The following BAZ2B variants were observed in gnomAD, a reference collection of about 807,000 sequenced individuals.
BAZ2B encodes the protein bromodomain adjacent to zinc finger domain 2B.
BAZ2B carries 91 observed loss-of-function variants against 246.0 expected under a neutral mutation model. The observed-to-expected ratio is 0.37, with a 90% confidence interval of 0.31 to 0.44. BAZ2B has a LOEUF of 0.44. Among genes scored for constraint, BAZ2B ranks in the 20% least tolerant of loss-of-function variants. BAZ2B has a pLI of 1.00. For missense variants in BAZ2B, 2,332 were observed against 2,533.7 expected (o/e 0.92, Z 1.71); for synonymous variants, 855 against 860.0 (o/e 0.99, Z 0.10).
chr2:159,541,673 T>G (rs949054433), intron 2 of BAZ2B, among the ~76,000 whole-genome samples: 7 of 152,228 alleles, frequency 4.6e-5, no homozygotes, highest in African/African-American at 1.7e-4. Flanking sequence ...ATCCTTGCTC[T>G]CTGTACTCCA....
intron 27 of BAZ2B, 21 bp downstream of exon 27, chr2:159,373,024 T>C (rs1248881890): frequency 1.0e-5 from 16 of 1,586,224 alleles, no homozygotes; most frequent in African/African-American, 1.4e-5. Flanking sequence ...TAACAATTTG[T>C]ATCGGATTAT....
intron 2 of BAZ2B, among the ~76,000 whole-genome samples, chr2:159,485,467 A>C (rs986789261): frequency 2.0e-5 from 3 of 152,148 alleles, no homozygotes; most frequent in Non-Finnish European, 4.4e-5. Flanking sequence ...GAATATGTAA[A>C]ATGAATTGCT....
In BAZ2B at chr2:159,468,811, G is replaced by A. The variant is rs547622044; in HGVS notation, c.145+9764C>T. On this transcript the variant is annotated intron_variant, in intron 3 of 36. Transcript: ENST00000392783. Reference sequence around the variant, plus strand: ...TGTAATCCCAACACTTTGGGAGGCCGAGGCGGGTGGTTCACAAGTTCAGGA... The same window carrying A: ...TGTAATCCCAACACTTTGGGAGGCCAAGGCGGGTGGTTCACAAGTTCAGGA... Among the ~76,000 whole-genome samples, 111 of 152,264 alleles carry A rather than the reference G, an allele frequency of 7.3e-4. 1 individual carries two copies. The highest frequency in any genetic ancestry group is 2.4e-3 in the African/African-American group (100 of 41,568).
At chr2:159,590,187 C>CAAAAAA (rs552786270) in intron 1 of BAZ2B, among the ~76,000 whole-genome samples, 3 of 20,334 alleles carry the variant, frequency 1.5e-4, no homozygotes, top group African/African-American at 7.4e-4. Context: ...GACTCCATCT[C>CAAAAAA]AAAAAAAAAA....
chr2:159,687,674 T>C, the BAZ2B span, among the ~76,000 whole-genome samples: 2 of 152,236 alleles, frequency 1.3e-5, no homozygotes, highest in Non-Finnish European at 2.9e-5. Context: ...TAGTAAAGTG[T>C]GTCCCTGAGT....
At chr2:159,624,095 G>A in the BAZ2B span, among the ~76,000 whole-genome samples, 47,614 of 152,100 alleles carry the variant, frequency 0.31, 9,385 homozygotes, top group Admixed American at 0.48. Flanking sequence ...CGAACCGGGT[G>A]GAGCCCACCA....
intron 2 of BAZ2B, among the ~76,000 whole-genome samples, chr2:159,483,812 AAAAAAATGAGAAG>A (rs1398802307): frequency 1.3e-5 from 2 of 152,062 alleles, no homozygotes; most frequent in African/African-American, 4.8e-5. Context: ...AAAACAAAAC[AAAAAAATGAGAAG>A]AAAAGAAAAA....
chr2:159,545,199 TC>T (rs1216898508), intron 2 of BAZ2B, among the ~76,000 whole-genome samples: 1 of 152,156 alleles, frequency 6.6e-6, no homozygotes, highest in Non-Finnish European at 1.5e-5. Flanking sequence ...CAGTCCCTTC[TC>T]CTGCCTCTCC....
chr2:159,562,775 G>A (rs1210519263), intron 1 of BAZ2B, among the ~76,000 whole-genome samples: 5 of 152,254 alleles, frequency 3.3e-5, no homozygotes, highest in East Asian at 1.9e-4. Context: ...CACATTGCCT[G>A]ATTATAGAAA....
At chr2:159,542,951 G>A (rs1005726143) in intron 2 of BAZ2B, among the ~76,000 whole-genome samples, 1 of 152,164 alleles carries the variant, frequency 6.6e-6, no homozygotes, top group Non-Finnish European at 1.5e-5. Context: ...GCCTGGGTTT[G>A]AATCCTAAAC....
chr2:159,380,645 G>A (rs532178292), intron 25 of BAZ2B, among the ~76,000 whole-genome samples: 1 of 152,240 alleles, frequency 6.6e-6, no homozygotes, highest in African/African-American at 2.4e-5. Context: ...AACTATTTGC[G>A]CTAACAATGT....
At chr2:159,640,235 G>C in the BAZ2B span, among the ~76,000 whole-genome samples, 21 of 152,018 alleles carry the variant, frequency 1.4e-4, no homozygotes, top group African/African-American at 4.3e-4. Flanking sequence ...GAGAGAGATA[G>C]ATTCCAATAC....
chr2:159,560,258 A>T (rs2089692092), intron 1 of BAZ2B, among the ~76,000 whole-genome samples: 1 of 152,212 alleles, frequency 6.6e-6, no homozygotes, highest in South Asian at 2.1e-4. Context: ...CTCAATCTTA[A>T]CACAGAAGTA....
intron 2 of BAZ2B, among the ~76,000 whole-genome samples, chr2:159,496,169 A>T (rs534869802): frequency 2.7e-5 from 4 of 149,098 alleles, no homozygotes; most frequent in Non-Finnish European, 4.5e-5. Context: ...AGGTCAGAAG[A>T]TCGAGACCAG....
chr2:159,382,001 T>C (rs1415478849), intron 25 of BAZ2B, among the ~76,000 whole-genome samples: 1 of 152,200 alleles, frequency 6.6e-6, no homozygotes, highest in Non-Finnish European at 1.5e-5. Context: ...TCTTAAGTTG[T>C]ATCTGCCTAG....
At chr2:159,593,323 A>C (rs1689836048) in intron 1 of BAZ2B, among the ~76,000 whole-genome samples, 1 of 152,160 alleles carries the variant, frequency 6.6e-6, no homozygotes, top group Admixed American at 6.6e-5. Context: ...CATCAGTTGA[A>C]ATCTTACCCC....
At chr2:159,453,851 G>C in intron 3 of BAZ2B, 50 bp from the exon 4 acceptor site, 1 of 1,376,280 alleles carries the variant, frequency 7.3e-7, no homozygotes, top group Non-Finnish European at 9.6e-7. Context: ...AAACAGATGA[G>C]ACTTATCTGA....
chr2:159,672,843 C>T, the BAZ2B span, among the ~76,000 whole-genome samples: 1 of 152,070 alleles, frequency 6.6e-6, no homozygotes. Context: ...ATTCTGCACA[C>T]CAAACATATG....
intron 1 of BAZ2B, among the ~76,000 whole-genome samples, chr2:159,610,146 T>C (rs531217511): frequency 1.3e-5 from 2 of 152,132 alleles, no homozygotes; most frequent in African/African-American, 4.8e-5. Context: ...AATGATCTCA[T>C]AGGAAAAAAA....
Sources: gnomAD v4.1 joint callset for allele counts (sites outside exome capture counted in the v4.1 genomes callset) on GRCh38, gnomAD v4.1.1 for gene constraint, MANE v1.5 for transcripts, NCBI Gene and HGNC (gene_info 2026-07-23, HGNC 2026-07-21) for gene names.